The following GRIA4 variants were observed in gnomAD, a reference collection of about 807,000 sequenced individuals.
The protein encoded by GRIA4 is glutamate receptor 4.
A neutral mutation model predicts 104.0 loss-of-function variants in GRIA4; 34 were observed. That is an observed-to-expected ratio of 0.33 (90% CI 0.25 to 0.44). GRIA4 has a LOEUF of 0.44. Among genes scored for constraint, GRIA4 ranks in the 20% least tolerant of loss-of-function variants. The probability of loss-of-function intolerance (pLI) is 1.00; values close to 1 mark genes in which losing one functional copy is unlikely to be tolerated. For synonymous variants in GRIA4, 386 were observed against 381.9 expected, an observed-to-expected ratio of 1.01 and a Z score of -0.13; for missense variants, 750 against 1,096.5, an observed-to-expected ratio of 0.68 and a Z score of 4.46.
At chr11:105,747,571 T>C (rs1939734274) in intron 3 of GRIA4, among the ~76,000 whole-genome samples, 1 of 152,134 alleles carries the variant, frequency 6.6e-6, no homozygotes, top group African/African-American at 2.4e-5. Context: ...GAATTTTATG[T>C]CAAGTATGAA....
intron 5 of GRIA4, among the ~76,000 whole-genome samples, chr11:105,886,507 C>T (rs1433452270): frequency 3.3e-5 from 5 of 151,514 alleles, no homozygotes; most frequent in Non-Finnish European, 7.4e-5. Flanking sequence ...CTACCCTTCC[C>T]TGCCTCTGAT....
chr11:105,616,598 C>T (rs778921073), intron 3 of GRIA4, among the ~76,000 whole-genome samples: 1 of 151,380 alleles, frequency 6.6e-6, no homozygotes, highest in Non-Finnish European at 1.5e-5. Context: ...TATTTTTGCA[C>T]GTTTTCTTTT....
intron 3 of GRIA4, among the ~76,000 whole-genome samples, chr11:105,623,714 C>A (rs965087359): frequency 1.3e-5 from 2 of 152,092 alleles, no homozygotes; most frequent in African/African-American, 4.8e-5. Context: ...CCAAATTTAT[C>A]CCACACCAAA....
intron 3 of GRIA4, among the ~76,000 whole-genome samples, chr11:105,691,652 T>C (rs1272914788): frequency 6.6e-6 from 1 of 152,028 alleles, no homozygotes; most frequent in Admixed American, 6.6e-5. Flanking sequence ...AAAGTAAAAA[T>C]GTGGCCAGGC....
At chr11:105,696,411 A>G (rs1953279724) in intron 3 of GRIA4, among the ~76,000 whole-genome samples, 1 of 152,148 alleles carries the variant, frequency 6.6e-6, no homozygotes, top group Non-Finnish European at 1.5e-5. Flanking sequence ...CTTAATAAAT[A>G]TTTACTGATT....
chr11:105,886,868 T>G (rs1274173539), intron 5 of GRIA4, among the ~76,000 whole-genome samples: 4 of 151,814 alleles, frequency 2.6e-5, no homozygotes, highest in African/African-American at 9.7e-5. Context: ...AAAAGATGTT[T>G]GAGTTTCTAA....
intron 10 of GRIA4, among the ~76,000 whole-genome samples, chr11:105,914,741 A>G (rs961837478): frequency 1.3e-5 from 2 of 152,210 alleles, no homozygotes; most frequent in Non-Finnish European, 2.9e-5. Flanking sequence ...AAAGCACAGT[A>G]GTTGATAATA....
At chr11:105,681,383 G>C (rs1430341780) in intron 3 of GRIA4, among the ~76,000 whole-genome samples, 3 of 152,130 alleles carry the variant, frequency 2.0e-5, no homozygotes, top group African/African-American at 7.2e-5. Flanking sequence ...TTATATTTGT[G>C]AAGTGGCACT....
intron 3 of GRIA4, among the ~76,000 whole-genome samples, chr11:105,704,629 G>A (rs1953626927): frequency 6.6e-6 from 1 of 152,038 alleles, no homozygotes; most frequent in Non-Finnish European, 1.5e-5. Flanking sequence ...AATTTCTTAA[G>A]TAGAACTCCT....
At chr11:105,741,514 A>G (rs943387707) in intron 3 of GRIA4, among the ~76,000 whole-genome samples, 2 of 152,170 alleles carry the variant, frequency 1.3e-5, no homozygotes, top group Non-Finnish European at 1.5e-5. Flanking sequence ...ATGCAAGAGG[A>G]GGAAACATGG....
chr11:105,873,751 AC>A (rs1473420453), intron 5 of GRIA4, among the ~76,000 whole-genome samples: 1 of 151,944 alleles, frequency 6.6e-6, no homozygotes, highest in African/African-American at 2.4e-5. Context: ...TACTTTGCTC[AC>A]TTTTTGATGG....
intron 14 of GRIA4, among the ~76,000 whole-genome samples, chr11:105,971,231 A>C (rs1319064576): frequency 1.3e-5 from 2 of 152,232 alleles, no homozygotes; most frequent in African/African-American, 2.4e-5. Context: ...AAGATAGATG[A>C]AAATTGCTTC....
intron 14 of GRIA4, among the ~76,000 whole-genome samples, chr11:105,942,472 A>G (rs1021199286): frequency 1.3e-5 from 2 of 151,928 alleles, no homozygotes; most frequent in Admixed American, 6.6e-5. Flanking sequence ...TTCCACATAT[A>G]TATATATTTT....
chr11:105,872,472 C>T (rs952682691), intron 5 of GRIA4, among the ~76,000 whole-genome samples: 1 of 152,098 alleles, frequency 6.6e-6, no homozygotes, highest in Non-Finnish European at 1.5e-5. Context: ...TTCATCCATC[C>T]TGTGAACAAA....
chr11:105,969,754 T>A (rs923547895), intron 14 of GRIA4, among the ~76,000 whole-genome samples: 2 of 152,160 alleles, frequency 1.3e-5, no homozygotes. Context: ...CCTGGGGACC[T>A]AAAAACCCTT....
chr11:105,725,422 T>C (rs1413244383), intron 3 of GRIA4, among the ~76,000 whole-genome samples: 3 of 152,208 alleles, frequency 2.0e-5, no homozygotes, highest in South Asian at 2.1e-4. Flanking sequence ...GCCTTGCACA[T>C]AGCATACAGA....
intron 6 of GRIA4, 139 bp from the exon 7 acceptor site, chr11:105,898,130 T>C (rs1263284533): frequency 1.3e-5 from 6 of 460,870 alleles, no homozygotes; most frequent in Non-Finnish European, 1.9e-5. Flanking sequence ...CCACATCTTT[T>C]ATTATCATTT....
chr11:105,627,222 G>A (rs1466743631), intron 3 of GRIA4, among the ~76,000 whole-genome samples: 3 of 152,116 alleles, frequency 2.0e-5, no homozygotes, highest in Non-Finnish European at 4.4e-5. Context: ...CAGCATTACA[G>A]GAAAAAGTGT....
chr11:105,978,988 G>A (rs1297420980), intron 16 of GRIA4, among the ~76,000 whole-genome samples: 6 of 152,136 alleles, frequency 3.9e-5, no homozygotes, highest in Non-Finnish European at 8.8e-5. Context: ...CTTAAAATAT[G>A]AGCCTTAGTG....
Sources: allele counts gnomAD v4.1 joint callset (sites outside exome capture counted in the v4.1 genomes callset), GRCh38; gene constraint gnomAD v4.1.1; transcripts MANE v1.5; gene names NCBI Gene and HGNC (gene_info 2026-07-23, HGNC 2026-07-21).